The following RBFOX1 variants were observed in gnomAD, a reference collection of about 807,000 sequenced individuals.
RBFOX1 encodes the protein RNA binding protein fox-1 homolog 1.
In RBFOX1, 8 loss-of-function variants were observed where a neutral mutation model predicts 57.7. That is an observed-to-expected ratio of 0.14 (90% CI 0.08 to 0.25). RBFOX1 has a LOEUF of 0.25. Ranked by LOEUF, RBFOX1 falls within the 10% of genes least tolerant of loss-of-function variation. The pLI is 1.00. For synonymous variants in RBFOX1, 326 were observed against 222.4 expected, an observed-to-expected ratio of 1.47 and a Z score of -4.15; for missense variants, 611 against 548.5, an observed-to-expected ratio of 1.11 and a Z score of -1.14.
At chr16:6,123,788 C>A (rs186106382) in intron 1 of RBFOX1, among the ~76,000 whole-genome samples, 1 of 152,058 alleles carries the variant, frequency 6.6e-6, no homozygotes, top group Non-Finnish European at 1.5e-5. Context: ...GCCTGTAATC[C>A]CAGCTCCTCA....
intron 1 of RBFOX1, among the ~76,000 whole-genome samples, chr16:5,305,758 G>T (rs998360319): frequency 2.6e-5 from 4 of 152,186 alleles, no homozygotes; most frequent in African/African-American, 9.6e-5. Flanking sequence ...TTATACTTCA[G>T]TTTTAGAATG....
intron 4 of RBFOX1, among the ~76,000 whole-genome samples, chr16:7,396,153 A>G (rs767448768): frequency 1.2e-4 from 19 of 152,038 alleles, no homozygotes; most frequent in Admixed American, 1.2e-3. Context: ...CGGAAGGAGG[A>G]CGAGAGGAAG....
chr16:6,950,938 C>G (rs938131834), intron 3 of RBFOX1, among the ~76,000 whole-genome samples: 8 of 151,598 alleles, frequency 5.3e-5, no homozygotes, highest in African/African-American at 1.9e-4. Context: ...TAGGATCTTG[C>G]TCTGTTTCTC....
chr16:6,718,951 C>T (rs2065381408), intron 3 of RBFOX1, among the ~76,000 whole-genome samples: 1 of 152,038 alleles, frequency 6.6e-6, no homozygotes, highest in Non-Finnish European at 1.5e-5. Flanking sequence ...CAGCTTCAAC[C>T]TCCGGGGCTC....
intron 3 of RBFOX1, among the ~76,000 whole-genome samples, chr16:5,827,602 C>G (rs1169991231): frequency 6.6e-6 from 1 of 152,042 alleles, no homozygotes; most frequent in Non-Finnish European, 1.5e-5. Flanking sequence ...CTTAACTACT[C>G]AACTCTACTG....
chr16:6,835,964 C>G (rs2093066375), intron 3 of RBFOX1, among the ~76,000 whole-genome samples: 1 of 152,012 alleles, frequency 6.6e-6, no homozygotes, highest in Admixed American at 6.6e-5. Context: ...CCCATTCCAT[C>G]TGCCAAAAGT....
chr16:5,413,754 G>C (rs1027848213), intron 1 of RBFOX1, among the ~76,000 whole-genome samples: 22 of 152,332 alleles, frequency 1.4e-4, no homozygotes, highest in Middle Eastern at 3.4e-3. Flanking sequence ...AGGAAAAGTA[G>C]TAGGTGCAGA....
intron 4 of RBFOX1, among the ~76,000 whole-genome samples, chr16:7,437,905 C>T (rs1486958220): frequency 1.5e-5 from 2 of 133,106 alleles, no homozygotes; most frequent in Admixed American, 8.1e-5. Flanking sequence ...AGACAAATTG[C>T]TTAAAAAAAA....
chr16:7,376,707 A>G (rs1442198903), intron 4 of RBFOX1, among the ~76,000 whole-genome samples: 1 of 152,176 alleles, frequency 6.6e-6, no homozygotes, highest in Non-Finnish European at 1.5e-5. Context: ...TTTTTTTCCA[A>G]AGTACAAGTA....
At chr16:6,637,323 AT>A (rs2098449763) in intron 2 of RBFOX1, among the ~76,000 whole-genome samples, 3 of 73,460 alleles carry the variant, frequency 4.1e-5, no homozygotes, top group Non-Finnish European at 6.7e-5. Context: ...TATATTATAT[AT>A]ATTATATAAT....
intron 1 of RBFOX1, among the ~76,000 whole-genome samples, chr16:6,126,650 A>T (rs996814500): frequency 6.6e-6 from 1 of 152,068 alleles, no homozygotes; most frequent in Non-Finnish European, 1.5e-5. Flanking sequence ...CTTAATATGT[A>T]TATTCTGGGG....
intron 4 of RBFOX1, among the ~76,000 whole-genome samples, chr16:7,429,850 G>A (rs761024119): frequency 9.7e-4 from 147 of 152,204 alleles, no homozygotes; most frequent in Admixed American, 2.1e-3. Context: ...AATAATTATT[G>A]AGATATACTA....
At chr16:5,684,128 G>C (rs2050430451) in intron 3 of RBFOX1, among the ~76,000 whole-genome samples, 1 of 152,060 alleles carries the variant, frequency 6.6e-6, no homozygotes, top group African/African-American at 2.4e-5. Context: ...GAAAAGGTGA[G>C]CTCTTGGCTC....
chr16:6,554,862 T>G (rs984645033), intron 2 of RBFOX1, among the ~76,000 whole-genome samples: 6 of 147,832 alleles, frequency 4.1e-5, no homozygotes, highest in Admixed American at 3.3e-4. Flanking sequence ...GCTCTGTCGC[T>G]CTCTCTCTCA....
intron 3 of RBFOX1, among the ~76,000 whole-genome samples, chr16:6,987,121 T>G (rs1166657234): frequency 1.3e-5 from 2 of 152,022 alleles, no homozygotes; most frequent in Non-Finnish European, 2.9e-5. Context: ...CTTGTGTGGG[T>G]GTAGTGGGCC....
Position 7,620,378 on chromosome 16 carries a change from A to C in RBFOX1, c.677-10225A>C, listed in dbSNP as rs556574216. On this transcript the variant is annotated intron_variant, in intron 10 of 15. Coordinates refer to ENST00000550418, the MANE Select transcript of RBFOX1 (RefSeq NM_018723.4). ...CCAGTCAGCAAGATCAGGAAACAAA[A>C]CAAAGTTAAAAGTTTCAAAGCCTAC... 3.9e-5 allele frequency among the ~76,000 whole-genome samples: 6 copies of C among 152,354 alleles called. No homozygotes were observed. In the East Asian group the frequency reaches 1.2e-3, roughly 29 times the overall value.
chr16:6,558,494 C>G (rs943929377), intron 2 of RBFOX1, among the ~76,000 whole-genome samples: 3 of 152,036 alleles, frequency 2.0e-5, no homozygotes, highest in Non-Finnish European at 4.4e-5. Flanking sequence ...AGTCATCTGT[C>G]ACGTTGGAAG....
chr16:6,632,757 A>G lies in RBFOX1; in HGVS notation c.-63-21846A>G, dbSNP rs571772148. Among the ~76,000 whole-genome samples, 157 of 152,366 alleles carry G rather than the reference A, an allele frequency of 1.0e-3. 4 individuals are homozygous for G. In the South Asian group the frequency reaches 0.032, roughly 31 times the overall value. On this transcript the variant is annotated intron_variant, in intron 2 of 15. Coordinates refer to ENST00000550418, the MANE Select transcript of RBFOX1 (RefSeq NM_018723.4). ...TAAAGCTTAAGCAGCCGCAAGGCCT[A>G]TGACCTCAAAGAGTGACTTAGGCTG...
intron 1 of RBFOX1, among the ~76,000 whole-genome samples, chr16:5,377,659 C>T (rs2066021496): frequency 6.6e-6 from 1 of 151,226 alleles, no homozygotes; most frequent in Admixed American, 6.6e-5. Flanking sequence ...AAGGCGGAGG[C>T]AGAGACGGAA....
Sources: allele counts gnomAD v4.1 joint callset (sites outside exome capture counted in the v4.1 genomes callset), GRCh38; gene constraint gnomAD v4.1.1; transcripts MANE v1.5; gene names NCBI Gene and HGNC (gene_info 2026-07-23, HGNC 2026-07-21).